STK39: variants seen among roughly 807,000 people sequenced by gnomAD.
STK39 encodes STE20/SPS1-related proline-alanine-rich protein kinase.
A neutral mutation model predicts 77.8 loss-of-function variants in STK39; 20 were observed. The ratio of observed to expected loss-of-function variants is 0.26; its 90% CI spans 0.18 to 0.37. STK39 has a LOEUF of 0.37. Ranked by LOEUF, STK39 falls within the 10% of genes least tolerant of loss-of-function variation. The pLI, the probability that STK39 is intolerant of heterozygous loss-of-function variation, is 1.00. For synonymous variants in STK39, 246 were observed against 234.1 expected, an observed-to-expected ratio of 1.05 and a Z score of -0.47; for missense variants, 479 against 656.5, an observed-to-expected ratio of 0.73 and a Z score of 2.95.
At chr2:167,984,766 C>T (rs1683514644) in intron 16 of STK39, among the ~76,000 whole-genome samples, 1 of 151,876 alleles carries the variant, frequency 6.6e-6, no homozygotes, top group African/African-American at 2.4e-5. Flanking sequence ...ATTAATAAGT[C>T]AAATTAACTT....
chr2:168,010,159 T>C lies in STK39; in HGVS notation c.1498+2475A>G, dbSNP rs1180960069. 3.3e-5 allele frequency among the ~76,000 whole-genome samples: 5 copies of C among 152,220 alleles called. 1 individual carries two copies. Among genetic ancestry groups the C allele is most frequent in the Admixed American group, 2.6e-4 (4 of 15,288 alleles). On this transcript the variant is annotated intron_variant, in intron 16 of 17. Coordinates refer to ENST00000355999, the MANE Select transcript of STK39 (RefSeq NM_013233.3). ...TGGCTTCTTGCCCAATAGGAGACAT[T>C]AGTAGGTGTTTCAAAGAAGTTTTTG... is the stretch of plus-strand genomic sequence containing the variant.
chr2:168,029,135 C>G (rs1449440771), intron 14 of STK39, among the ~76,000 whole-genome samples: 1 of 152,098 alleles, frequency 6.6e-6, no homozygotes, highest in Non-Finnish European at 1.5e-5. Flanking sequence ...AAATATATAA[C>G]TGAACATTTT....
chr2:168,002,460 AGC>A (rs1170662393), intron 16 of STK39, among the ~76,000 whole-genome samples: 2 of 152,178 alleles, frequency 1.3e-5, no homozygotes, highest in Non-Finnish European at 2.9e-5. Context: ...TTCCCTGGAG[AGC>A]TGGTCATTCT....
At chr2:168,205,640 G>C (rs551599555) in intron 1 of STK39, among the ~76,000 whole-genome samples, 1 of 151,980 alleles carries the variant, frequency 6.6e-6, no homozygotes, top group South Asian at 2.1e-4. Flanking sequence ...AGTATAGCAA[G>C]ACCTCAACTC....
At chr2:168,083,008 C>G (rs1380825052) in intron 10 of STK39, among the ~76,000 whole-genome samples, 1 of 152,314 alleles carries the variant, frequency 6.6e-6, no homozygotes, top group Non-Finnish European at 1.5e-5. Context: ...CAAAACATGA[C>G]AGGTGCTATT....
intron 8 of STK39, among the ~76,000 whole-genome samples, chr2:168,134,353 ATAGTT>A (rs1687778020): frequency 6.6e-6 from 1 of 152,204 alleles, no homozygotes; most frequent in Non-Finnish European, 1.5e-5. Context: ...TGAATATGAT[ATAGTT>A]TAAATAGTTC....
At chr2:168,168,447 A>T (rs566335456) in intron 2 of STK39, among the ~76,000 whole-genome samples, 1 of 152,280 alleles carries the variant, frequency 6.6e-6, no homozygotes, top group African/African-American at 2.4e-5. Context: ...ATGATCAAAG[A>T]AACCTCATTT....
At chr2:167,955,633 GT>G (rs1691744115) in intron 17 of STK39, 63 bp from the exon 18 acceptor site, 1 of 1,535,368 alleles carries the variant, frequency 6.5e-7, no homozygotes, top group African/African-American at 1.4e-5. Flanking sequence ...TTAAAGTCTT[GT>G]TCCTATGATG....
chr2:168,004,745 A>AT (rs1234622909), intron 16 of STK39, among the ~76,000 whole-genome samples: 3 of 151,580 alleles, frequency 2.0e-5, no homozygotes, highest in Non-Finnish European at 4.4e-5. Context: ...AAAAAAAAAA[A>AT]AAAAATTAAA....
chr2:168,037,261 T>C (rs1684980546), intron 14 of STK39, among the ~76,000 whole-genome samples: 1 of 152,190 alleles, frequency 6.6e-6, no homozygotes, highest in South Asian at 2.1e-4. Context: ...AATCTACCAA[T>C]TTAAATTAGC....
intron 1 of STK39, among the ~76,000 whole-genome samples, chr2:168,210,460 T>C (rs1689861974): frequency 6.6e-6 from 1 of 152,228 alleles, no homozygotes; most frequent in African/African-American, 2.4e-5. Flanking sequence ...TACTGGATCA[T>C]ACAAGCTGCA....
intron 17 of STK39, among the ~76,000 whole-genome samples, chr2:167,960,510 AAC>A (rs1272814096): frequency 1.3e-5 from 2 of 152,142 alleles, no homozygotes; most frequent in Non-Finnish European, 2.9e-5. Context: ...AGGCAGAGAT[AAC>A]AGTTTGCCTC....
chr2:168,187,493 G>A (rs1052302348), intron 1 of STK39, among the ~76,000 whole-genome samples: 1 of 152,120 alleles, frequency 6.6e-6, no homozygotes, highest in Admixed American at 6.5e-5. Context: ...TTGGTAAGAC[G>A]GCAATAATGC....
chr2:168,186,953 A>G (rs558966011), intron 1 of STK39, among the ~76,000 whole-genome samples: 1 of 152,248 alleles, frequency 6.6e-6, no homozygotes, highest in Non-Finnish European at 1.5e-5. Flanking sequence ...CATGATGAGC[A>G]TAAGAGTTTA....
At chr2:168,223,997 T>C (rs963027227) in intron 1 of STK39, among the ~76,000 whole-genome samples, 14 of 152,098 alleles carry the variant, frequency 9.2e-5, no homozygotes, top group Non-Finnish European at 1.6e-4. Context: ...TACACATAAT[T>C]TTTCTTTTGT....
At chr2:168,051,159 G>A (rs1374698435) in intron 14 of STK39, among the ~76,000 whole-genome samples, 1 of 152,186 alleles carries the variant, frequency 6.6e-6, no homozygotes, top group Non-Finnish European at 1.5e-5. Context: ...CTCTGATCAA[G>A]AGGACAAGTC....
At chr2:168,184,182 A>G (rs1689150035) in intron 1 of STK39, among the ~76,000 whole-genome samples, 1 of 152,258 alleles carries the variant, frequency 6.6e-6, no homozygotes, top group Non-Finnish European at 1.5e-5. Context: ...TCTCATAGTT[A>G]AGTCCTTGAC....
At chr2:168,159,899 G>C (rs926372220) in intron 5 of STK39, among the ~76,000 whole-genome samples, 3 of 152,184 alleles carry the variant, frequency 2.0e-5, no homozygotes, top group African/African-American at 7.2e-5. Context: ...CCCTGTGCAG[G>C]GGCTTCCTGC....
intron 14 of STK39, among the ~76,000 whole-genome samples, chr2:168,059,019 T>C (rs1272360863): frequency 6.6e-6 from 1 of 152,256 alleles, no homozygotes; most frequent in Non-Finnish European, 1.5e-5. Flanking sequence ...GCCCATGACC[T>C]TGGCTCTGCC....
Sources: gnomAD v4.1 joint callset for allele counts (sites outside exome capture counted in the v4.1 genomes callset) on GRCh38, gnomAD v4.1.1 for gene constraint, MANE v1.5 for transcripts, NCBI Gene and HGNC (gene_info 2026-07-23, HGNC 2026-07-21) for gene names.